The following PEX1 variants were observed in gnomAD, a reference collection of about 807,000 sequenced individuals.
PEX1 encodes the protein peroxisomal ATPase PEX1.
In PEX1, 97 loss-of-function variants were observed where a neutral mutation model predicts 152.5. That is an observed-to-expected ratio of 0.64 (90% CI 0.54 to 0.75). The LOEUF is 0.75. PEX1 is among the 30% of genes least tolerant of loss of function. The probability of loss-of-function intolerance (pLI) is 0.00; values close to 1 mark genes in which losing one functional copy is unlikely to be tolerated. For synonymous variants in PEX1, 485 were observed against 531.6 expected (o/e 0.91, Z 1.21); for missense variants, 1,357 against 1,516.3 (o/e 0.89, Z 1.74).
chr7:92,488,346 C>G (rs1791050718), intron 23 of PEX1, among the ~76,000 whole-genome samples: 2 of 152,118 alleles, frequency 1.3e-5, no homozygotes, highest in Admixed American at 6.5e-5. Context: ...ATACATAGCA[C>G]TAACGTATGT....
In PEX1 at chr7:92,503,143, C is replaced by G. The variant is rs200258130; in HGVS notation, c.2124G>C (p.Leu708=). The G allele has an allele frequency of 7.4e-6, 12 of 1,613,798 alleles. No individual in the cohort carries two copies. In the East Asian group the frequency reaches 2.2e-4, roughly 30 times the overall value. ...ATTGCTGAGACTGACTTGTGGCAAT[C>G]AGTGCAACCAAACTTCCCATGGAGA... ...EFISMGSLVA[L]IATSQSQQSL... The change falls in exon 13 of 24, where the codon CTG becomes CTC. Residue 708 remains leucine, a synonymous_variant. Transcript: ENST00000248633.
chr7:92,518,979 A>G lies in PEX1; in HGVS notation c.357+16T>C. Reference sequence around the variant, plus strand: ...TTTAACCTTAAATGAGATAGTTCTTATTTGGTTTTCTTTACCAGTATCTCC... The same window carrying G: ...TTTAACCTTAAATGAGATAGTTCTTGTTTGGTTTTCTTTACCAGTATCTCC... On this transcript the variant is annotated intron_variant, in intron 3 of 23. Transcript: ENST00000248633. The G allele has an allele frequency of 6.4e-7, 1 of 1,563,274 alleles. No individual in the cohort carries two copies. Among genetic ancestry groups the G allele is most frequent in the East Asian group, 2.2e-5 (1 of 44,604 alleles).
At chr7:92,493,845 T>C (rs1392731872) in intron 19 of PEX1, 1 of 193,626 alleles carries the variant, frequency 5.2e-6, no homozygotes, top group East Asian at 1.3e-4. Flanking sequence ...TTCATTCATT[T>C]ATTTGTTTGC....
chr7:92,512,823 G>T (rs1341314251), intron 6 of PEX1, among the ~76,000 whole-genome samples: 1 of 151,730 alleles, frequency 6.6e-6, no homozygotes, highest in East Asian at 1.9e-4. Context: ...TAGAGATGGG[G>T]TCTTGCTATG....
intron 10 of PEX1, 35 bp downstream of exon 10, chr7:92,506,959 T>C (rs1232911262): frequency 1.9e-6 from 3 of 1,608,924 alleles, no homozygotes; most frequent in Non-Finnish European, 2.6e-6. Context: ...AGTTATTAAA[T>C]GTTACAGAAA....
In PEX1 at chr7:92,491,427, C is replaced by A; in HGVS notation, c.3283G>T (p.Asp1095Tyr). The A allele has an allele frequency of 6.2e-7, 1 of 1,613,824 alleles. No individual in the cohort carries two copies. The highest frequency in any genetic ancestry group is 1.1e-5 in the South Asian group (1 of 91,070). The change falls in exon 21 of 24, where the codon GAT becomes TAT. Residue 1095 changes from aspartate (D) to tyrosine (Y), a missense_variant. Coordinates refer to ENST00000248633, the MANE Select transcript of PEX1 (RefSeq NM_000466.3). ...CCACATTCTCCATCTCCAGCTGAAT[C>A]GTCAGAGCCACTGCTATGGTTAAGA... ...VFLNHSSGSD[D>Y]SAGDGECGLD...
chr7:92,517,511 A>G lies in PEX1; in HGVS notation c.1004T>C (p.Leu335Pro), dbSNP rs1792849316. The change falls in exon 5 of 24, where the codon CTA becomes CCA. Residue 335 changes from leucine (L) to proline (P), a missense_variant. By Grantham distance (98) the Leu-to-Pro change is moderately conservative (BLOSUM62 -3). Transcript: ENST00000248633. Reference protein sequence around the residue: ...EPSFTVTYGKLVKLLSPKQQQ... With the variant: ...EPSFTVTYGKPVKLLSPKQQQ... ...TTGCTTTGGAGAAAGTAGCTTAACT[A>G]GCTTTCCATATGTCACAGTAAAGCT... 3 of 1,614,066 alleles carry G rather than the reference A, an allele frequency of 1.9e-6. No individual in the cohort carries two copies. The highest frequency in any genetic ancestry group is 2.5e-6 in the Non-Finnish European group (3 of 1,180,008).
intron 8 of PEX1, among the ~76,000 whole-genome samples, chr7:92,510,016 C>T (rs182944789): frequency 4.6e-5 from 7 of 152,020 alleles, no homozygotes; most frequent in Admixed American, 2.6e-4. Context: ...TGGTGGCATG[C>T]GCCTGTAATC....
At chr7:92,490,201 C>A (rs546950474) in intron 21 of PEX1, 96 of 379,848 alleles carry the variant, frequency 2.5e-4, no homozygotes, top group Admixed American at 8.6e-4. Flanking sequence ...GGACAGGTTT[C>A]TTCATTTTCA....
At chr7:92,498,937 G>C (rs1791789628) in intron 16 of PEX1, among the ~76,000 whole-genome samples, 1 of 152,222 alleles carries the variant, frequency 6.6e-6, no homozygotes, top group Non-Finnish European at 1.5e-5. Context: ...AATGCATGAA[G>C]ATTGCCTTAA....
intron 16 of PEX1, among the ~76,000 whole-genome samples, chr7:92,498,477 T>C (rs994093526): frequency 3.3e-5 from 5 of 152,126 alleles, no homozygotes; most frequent in African/African-American, 9.7e-5. Flanking sequence ...AGAGTGAGAC[T>C]CCATCTCAAA....
chr7:92,494,246 G>A (rs1562847742), intron 19 of PEX1, 47 bp downstream of exon 19: 2 of 1,328,384 alleles, frequency 1.5e-6, no homozygotes, highest in Non-Finnish European at 2.2e-6. Context: ...CACAAGGAAA[G>A]AGTGTAGCAT....
rs977095522 is a variant in PEX1 at position 92,517,945 on chromosome 7, T to A, written c.570A>T (p.Ser190=). 6 of 1,597,898 alleles carry A rather than the reference T, an allele frequency of 3.8e-6. No individual in the cohort carries two copies. The highest frequency in any genetic ancestry group is 2.2e-5 in the East Asian group (1 of 44,734). The change falls in exon 5 of 24, where the codon TCA becomes TCT. Residue 190 remains serine (S), a synonymous_variant. Transcript: ENST00000248633. ...GTTTTTTATATTCAGCATCAGCTTT[T>A]GAAAATGTATTCTCTTTGGCTCGGC... ...KTRRAKENTF[S]KADAEYKKLH... is the part of the protein sequence containing the mutation.
intron 10 of PEX1, 55 bp from the exon 11 acceptor site, chr7:92,506,399 TC>T: frequency 8.9e-7 from 1 of 1,120,124 alleles, no homozygotes; most frequent in Non-Finnish European, 1.4e-6. Context: ...CAGAAATAGT[TC>T]CTGTCATTGT....
intron 22 of PEX1, 92 bp from the exon 23 acceptor site, chr7:92,489,515 T>G: frequency 8.4e-7 from 1 of 1,197,178 alleles, no homozygotes; most frequent in African/African-American, 1.5e-5. Context: ...GTCAGTTTTT[T>G]CAAGAGACCA....
intron 9 of PEX1, among the ~76,000 whole-genome samples, chr7:92,508,188 CAT>C (rs71528046): frequency 0.18 from 27,123 of 152,054 alleles, 2,939 homozygotes; most frequent in Admixed American, 0.27. Context: ...ATTTTACAAA[CAT>C]GAACTTTAAA....
intron 9 of PEX1, 48 bp from the exon 10 acceptor site, chr7:92,507,174 A>T: frequency 6.4e-7 from 1 of 1,555,142 alleles, no homozygotes; most frequent in Middle Eastern, 1.7e-4. Flanking sequence ...AAGCAGGATA[A>T]AATTTAGCTA....
chr7:92,499,775 G>A lies in PEX1; in HGVS notation c.2647C>T (p.Pro883Ser). The A allele has an allele frequency of 6.2e-7, 1 of 1,612,704 alleles. No homozygotes were observed. Among genetic ancestry groups the A allele is most frequent in the Non-Finnish European group, 8.5e-7 (1 of 1,178,944 alleles). The change falls in exon 16 of 24, where the codon CCT (proline) becomes TCT (serine). Residue 883 changes from proline to serine, a missense_variant. Physicochemically the swap from Pro to Ser is moderately conservative, Grantham distance 74. Transcript: ENST00000248633. Reference sequence around the variant, plus strand: ...GCTAGTAAGGTTTTTCCTGTTCCAGGCGGACCATACAACAGTATTCCTGTT... The same window carrying A: ...GCTAGTAAGGTTTTTCCTGTTCCAGACGGACCATACAACAGTATTCCTGTT... ...QRTGILLYGP[P>S]GTGKTLLAGV...
At chr7:92,512,170 T>C (rs1792503859) in intron 6 of PEX1, among the ~76,000 whole-genome samples, 1 of 151,844 alleles carries the variant, frequency 6.6e-6, no homozygotes, top group Admixed American at 6.6e-5. Context: ...GTAGCTGGGA[T>C]TATAGACATT....
Sources: gnomAD v4.1 joint callset for allele counts (sites outside exome capture counted in the v4.1 genomes callset) on GRCh38, gnomAD v4.1.1 for gene constraint, MANE v1.5 for transcripts, NCBI Gene and HGNC (gene_info 2026-07-23, HGNC 2026-07-21) for gene names.